Variants in TPTE2 observed in about 807,000 individuals in gnomAD.
The protein encoded by TPTE2 is transmembrane phosphoinositide 3-phosphatase and tensin homolog 2.
Under a neutral mutation model 78.6 loss-of-function variants are expected in TPTE2, and 53 were observed. The ratio of observed to expected loss-of-function variants is 0.67; its 90% CI spans 0.54 to 0.85. The LOEUF is 0.85. Among genes scored for constraint, TPTE2 ranks in the 40% least tolerant of loss-of-function variants. The pLI, the probability that TPTE2 is intolerant of heterozygous loss-of-function variation, is 0.00. For missense variants in TPTE2, 461 were observed against 623.0 expected, an observed-to-expected ratio of 0.74 and a Z score of 2.77; for synonymous variants, 175 against 206.2, an observed-to-expected ratio of 0.85 and a Z score of 1.30.
chr13:19,513,124 T>C (rs1402565653), intron 1 of TPTE2, among the ~76,000 whole-genome samples: 2 of 152,184 alleles, frequency 1.3e-5, no homozygotes, highest in African/African-American at 2.4e-5. Flanking sequence ...ACTTTCTGAG[T>C]ATAACACACA....
intron 1 of TPTE2, among the ~76,000 whole-genome samples, chr13:19,498,080 C>A (rs1039832545): frequency 1.3e-5 from 2 of 150,626 alleles, no homozygotes; most frequent in African/African-American, 4.9e-5. Flanking sequence ...TGAAATGAAG[C>A]GAGAAGGGAA....
intron 3 of TPTE2, among the ~76,000 whole-genome samples, chr13:19,490,277 G>C (rs960139711): frequency 6.6e-6 from 1 of 151,892 alleles, no homozygotes; most frequent in Non-Finnish European, 1.5e-5. Flanking sequence ...AATAGCTAAA[G>C]GATTAAAAAT....
intron 13 of TPTE2, 89 bp from the exon 17 acceptor site, chr13:19,438,242 C>T: frequency 6.7e-7 from 1 of 1,491,218 alleles, no homozygotes; most frequent in Non-Finnish European, 9.0e-7. Context: ...ACTTGATTTT[C>T]TTTCTTTTTT....
At chr13:19,498,254 T>C (rs973958573) in intron 1 of TPTE2, among the ~76,000 whole-genome samples, 6 of 151,874 alleles carry the variant, frequency 4.0e-5, no homozygotes, top group African/African-American at 1.2e-4. Context: ...ACTTCCCCAA[T>C]CTAGCAAGGC....
intron 10 of TPTE2, among the ~76,000 whole-genome samples, chr13:19,458,204 A>G (rs990865897): frequency 6.6e-6 from 1 of 152,220 alleles, no homozygotes; most frequent in Non-Finnish European, 1.5e-5. Context: ...TGGAATTACT[A>G]TTAATATTCA....
intron 1 of TPTE2, among the ~76,000 whole-genome samples, chr13:19,514,236 C>T (rs1259511339): frequency 6.6e-6 from 1 of 152,140 alleles, no homozygotes; most frequent in African/African-American, 2.4e-5. Flanking sequence ...CCAAGCATCC[C>T]TCTTCTGACC....
chr13:19,534,291 G>A (rs1871069432), intron 1 of TPTE2, among the ~76,000 whole-genome samples: 1 of 152,170 alleles, frequency 6.6e-6, no homozygotes, highest in Non-Finnish European at 1.5e-5. Context: ...GGTTTCTACT[G>A]AATGTGCATC....
chr13:19,514,592 AGT>A (rs151110694), intron 1 of TPTE2, among the ~76,000 whole-genome samples: 166 of 126,816 alleles, frequency 1.3e-3, no homozygotes, highest in African/African-American at 4.0e-3. Flanking sequence ...TACTTCTGAG[AGT>A]GTGTGTGTGT....
At chr13:19,548,263 T>A in the TPTE2 span, among the ~76,000 whole-genome samples, 1 of 152,080 alleles carries the variant, frequency 6.6e-6, no homozygotes, top group Non-Finnish European at 1.5e-5. Context: ...TTATCAAAAC[T>A]ATTATTTATT....
chr13:19,515,899 T>C (rs1226960023), intron 1 of TPTE2, among the ~76,000 whole-genome samples: 1 of 152,226 alleles, frequency 6.6e-6, no homozygotes, highest in Non-Finnish European at 1.5e-5. Context: ...AGCAAGTTCC[T>C]TGGGAAACTA....
intron 19 of TPTE2, among the ~76,000 whole-genome samples, chr13:19,423,487 G>T (rs1026181643): frequency 6.6e-6 from 1 of 152,148 alleles, no homozygotes; most frequent in Non-Finnish European, 1.5e-5. Flanking sequence ...GAAAACCCAG[G>T]AATAAAATAC....
intron 11 of TPTE2, 132 bp downstream of exon 14, chr13:19,451,033 G>A: frequency 1.8e-6 from 2 of 1,114,672 alleles, no homozygotes; most frequent in South Asian, 1.6e-5. Flanking sequence ...TCCAAGATGG[G>A]GATTTTTAAA....
the TPTE2 span, among the ~76,000 whole-genome samples, chr13:19,543,543 A>G: frequency 0.03 from 4,542 of 150,156 alleles, 183 homozygotes; most frequent in African/African-American, 0.091. Flanking sequence ...TTTAGTAGAG[A>G]CGGGGTTTCA....
Position 19,486,725 on chromosome 13 carries a change from T to C in TPTE2, c.120-4178A>G, listed in dbSNP as rs1378112941. 1.3e-5 allele frequency among the ~76,000 whole-genome samples: 2 copies of C among 151,918 alleles called. No homozygotes were observed. Among genetic ancestry groups the C allele is most frequent in the South Asian group, 2.1e-4 (1 of 4,816 alleles). On this transcript the variant is annotated intron_variant, in intron 3 of 19. Transcript: ENST00000400230. This position sits in a 1 kb window ranked among gnomAD's most constrained non-coding sequence, Gnocchi z 4.3. ...TAGCTCCTAAGCTGGACTGAAGATATCTTTGCCAGGGCTGGCCAAGAGGGG... is the reference window on the plus strand; with the variant it reads ...TAGCTCCTAAGCTGGACTGAAGATACCTTTGCCAGGGCTGGCCAAGAGGGG...
At chr13:19,516,374 A>G (rs1045683920) in intron 1 of TPTE2, among the ~76,000 whole-genome samples, 4 of 152,174 alleles carry the variant, frequency 2.6e-5, no homozygotes, top group Non-Finnish European at 4.4e-5. Context: ...TCAGAGGCCA[A>G]AATCTTCTTA....
chr13:19,514,621 G>GTGTGTGTGTGTGTC (rs1259108886), intron 1 of TPTE2, among the ~76,000 whole-genome samples: 4 of 148,372 alleles, frequency 2.7e-5, no homozygotes, highest in Non-Finnish European at 5.9e-5. Flanking sequence ...GTGTGTGTGT[G>GTGTGTGTGTGTGTC]TGTGTGTGTC....
chr13:19,547,720 C>CATATATATATATAT, the TPTE2 span, among the ~76,000 whole-genome samples: 12,885 of 118,322 alleles, frequency 0.11, 1,222 homozygotes, highest in Non-Finnish European at 0.16. Context: ...AATAAATATA[C>CATATATATATATAT]ATATATATAT....
At chr13:19,454,434 G>C (rs1355781363) in intron 10 of TPTE2, among the ~76,000 whole-genome samples, 3 of 152,202 alleles carry the variant, frequency 2.0e-5, no homozygotes, top group African/African-American at 7.2e-5. Context: ...CACTGAACAT[G>C]CAATCACTGA....
chr13:19,501,921 A>G lies in TPTE2; in HGVS notation c.11+1303T>C, dbSNP rs916644662. On this transcript the variant is annotated intron_variant, in intron 1 of 19. Coordinates refer to ENST00000400230, the Ensembl canonical transcript of TPTE2. ...CATCTGATAAAGGGCTAATATCCAG[A>G]ATCTACAATGAACTCAAACAAATTT... 1.2e-3 allele frequency among the ~76,000 whole-genome samples: 176 copies of G among 151,572 alleles called. 4 individuals carry two copies. In the South Asian group the frequency reaches 0.036, roughly 31 times the overall value.
Sources: allele counts gnomAD v4.1 joint callset (sites outside exome capture counted in the v4.1 genomes callset), GRCh38; gene constraint gnomAD v4.1.1; non-coding constraint Gnocchi (gnomAD v3.1); transcripts MANE v1.5; gene names NCBI Gene and HGNC (gene_info 2026-07-23, HGNC 2026-07-21).